Variants in PIK3R2 observed in about 807,000 individuals in gnomAD.
PIK3R2 encodes the protein phosphatidylinositol 3-kinase regulatory subunit beta.
In PIK3R2, 40 loss-of-function variants were observed where a neutral mutation model predicts 78.5. The observed-to-expected ratio is 0.51, with a 90% CI of 0.40 to 0.66. The LOEUF (loss-of-function observed/expected upper bound fraction) is 0.66. PIK3R2 is among the 30% of genes least tolerant of loss of function. The probability of loss-of-function intolerance (pLI) is 0.00; values close to 1 mark genes in which losing one functional copy is unlikely to be tolerated. For missense variants in PIK3R2, 880 were observed against 1,026.6 expected, an observed-to-expected ratio of 0.86 and a Z score of 1.95; for synonymous variants, 473 against 457.7, an observed-to-expected ratio of 1.03 and a Z score of -0.43.
rs746464481 is a variant in PIK3R2 at position 18,161,043 on chromosome 19, T to C, written c.467-11T>C. 5.0e-6 allele frequency: 8 copies of C among 1,611,082 alleles called. No individual in the cohort carries two copies. In the Admixed American group the frequency reaches 1.0e-4, roughly 20 times the overall value. On this transcript the variant is annotated splice_polypyrimidine_tract_variant and intron_variant, in intron 4 of 15. Coordinates refer to ENST00000222254, the MANE Select transcript of PIK3R2 (RefSeq NM_005027.4). The surrounding 1 kb of genome is among the most constrained non-coding windows in gnomAD (Gnocchi z 5.3). Reference sequence around the variant, plus strand: ...CACATGAGTTGGACGTGTGCCCCCCTGCACCCGCAGACTGGTCCCTGAGCG... The same window carrying C: ...CACATGAGTTGGACGTGTGCCCCCCCGCACCCGCAGACTGGTCCCTGAGCG...
At chr19:18,157,558 G>A (rs944065760) in intron 2 of PIK3R2, among the ~76,000 whole-genome samples, 9 of 152,110 alleles carry the variant, frequency 5.9e-5, no homozygotes, top group South Asian at 2.1e-4. Context: ...GTGCACCCAC[G>A]GGGGAGGTTG....
At chr19:18,162,386 C>T in intron 8 of PIK3R2, 22 bp from the exon 9 acceptor site, 1 of 1,611,084 alleles carries the variant, frequency 6.2e-7, no homozygotes, top group South Asian at 1.1e-5. Flanking sequence ...CTCGGCAGTC[C>T]CAATGTTGGA....
intron 3 of PIK3R2, 27 bp from the exon 4 acceptor site, chr19:18,160,892 T>C (rs548017113): frequency 2.3e-5 from 37 of 1,595,572 alleles, no homozygotes; most frequent in Non-Finnish European, 3.1e-5. Flanking sequence ...ATTTGAGAGC[T>C]GACTCGCCTG....
intron 11 of PIK3R2, 186 bp from the exon 12 acceptor site, chr19:18,165,974 G>T: frequency 1.3e-6 from 1 of 757,016 alleles, no homozygotes; most frequent in South Asian, 1.4e-5. Flanking sequence ...GAAGAAGAGG[G>T]TTTGGGGGGT....
At position 18,156,183 on chromosome 19, in the gene PIK3R2, G is replaced by A. The variant is rs774502328; in HGVS notation, c.304G>A (p.Asp102Asn). 2.3e-5 allele frequency: 33 copies of A among 1,460,670 alleles called. No homozygotes were observed. The highest frequency in any genetic ancestry group is 2.7e-5 in the Non-Finnish European group (30 of 1,112,422). The allele number at this position is 1,460,670 out of a possible 1,614,324, so 90.5% of individuals were successfully genotyped here. A position where few individuals can be genotyped will look rare whatever the true frequency, so the allele number is the denominator to read the frequency against. Reference protein sequence around the residue: ...GPRPLPARPRDGAPEPGLTLP... With the variant: ...GPRPLPARPRNGAPEPGLTLP... ...CCGCCCACTGCCCGCCAGGCCCCGT[G>A]ATGGGGCCCCTGAGCCAGGTGAGCA... Residue 102 changes from aspartate (D) to asparagine (N), a missense_variant, in exon 2 of 16, where the codon GAT becomes AAT. By Grantham distance (23) the Asp-to-Asn change is conservative. Coordinates refer to ENST00000222254, the MANE Select transcript of PIK3R2 (RefSeq NM_005027.4). This position sits in a 1 kb window ranked among gnomAD's most constrained non-coding sequence, Gnocchi z 4.2.
chr19:18,163,487 T>TC, intron 11 of PIK3R2, 99 bp downstream of exon 11: 1 of 1,334,348 alleles, frequency 7.5e-7, no homozygotes. Context: ...AGGATGAATA[T>TC]CCAGTTGCAG....
intron 11 of PIK3R2, among the ~76,000 whole-genome samples, chr19:18,163,732 G>A (rs2043777567): frequency 6.6e-6 from 1 of 152,136 alleles, no homozygotes; most frequent in Non-Finnish European, 1.5e-5. Context: ...TGAGGTGGGA[G>A]GATCCCTTGA....
In PIK3R2 at chr19:18,163,391, A is replaced by G. The variant is rs1212709142; in HGVS notation, c.1416+3A>G. 3.1e-6 allele frequency: 5 copies of G among 1,613,922 alleles called. No homozygotes were observed. The highest frequency in any genetic ancestry group is 4.2e-6 in the Non-Finnish European group (5 of 1,179,974). ...AAGAGTACACACGGACCTCCCAGGT[A>G]CTCCAGGCCCCGTACATGAGGGAAA... On this transcript the variant is annotated splice_donor_region_variant and intron_variant, in intron 11 of 15. Coordinates refer to ENST00000222254, the MANE Select transcript of PIK3R2 (RefSeq NM_005027.4).
Position 18,167,231 on chromosome 19 carries a change from G to T in PIK3R2, c.1661G>T (p.Arg554Ile). 6.2e-7 allele frequency: 1 copy of T among 1,613,168 alleles called. No individual in the cohort carries two copies. Reference protein sequence around the residue: ...QQLRAQASDNREIDKRMNSLK... With the variant: ...QQLRAQASDNIEIDKRMNSLK... ...CTGCGGGCCCAGGCCTCGGACAACA[G>T]AGAGATCGACAAGCGCATGAACAGC... The change falls in exon 13 of 16, where the codon AGA becomes ATA. Residue 554 changes from arginine (R) to isoleucine (I), a missense_variant. Coordinates refer to ENST00000222254, the MANE Select transcript of PIK3R2 (RefSeq NM_005027.4). This position sits in a 1 kb window ranked among gnomAD's most constrained non-coding sequence, Gnocchi z 4.5.
In PIK3R2 at chr19:18,166,382, A is replaced by C. The variant is rs1451742571; in HGVS notation, c.1559+80A>C. On this transcript the variant is annotated intron_variant, in intron 12 of 15. Transcript: ENST00000222254. ...GCCAGGGAGGGAAGGAAGCAGAAGG[A>C]GGCCAGCCACTTGGAGGCAAAGAGT... 8 of 1,272,432 alleles carry C rather than the reference A, an allele frequency of 6.3e-6. No individual in the cohort carries two copies. In the East Asian group the frequency reaches 9.6e-5, roughly 15 times the overall value. The allele number at this position is 1,272,432 out of a possible 1,614,324, so 78.8% of individuals were successfully genotyped here.
chr19:18,163,606 T>C (rs2043776014), intron 11 of PIK3R2, among the ~76,000 whole-genome samples: 6 of 152,034 alleles, frequency 3.9e-5, no homozygotes, highest in Admixed American at 3.9e-4. Context: ...GGAGGATCAC[T>C]TGAGCCCAAC....
In PIK3R2 at chr19:18,169,264, G is replaced by C. The variant is rs750619177; in HGVS notation, c.2157G>C (p.Pro719=). 2 of 1,535,724 alleles carry C rather than the reference G, an allele frequency of 1.3e-6. No individual in the cohort carries two copies. Among genetic ancestry groups the C allele is most frequent in the Non-Finnish European group, 1.7e-6 (2 of 1,148,788 alleles). ...TVTLAHPVRA[P]GPGPPPAAR ...CCCTGGCGCACCCAGTGCGCGCCCC[G>C]GGCCCCGGCCCGCCGCCTGCCGCCC... The change falls in exon 16 of 16, where the codon CCG becomes CCC. Residue 719 remains proline (P), a synonymous_variant. Coordinates refer to ENST00000222254, the MANE Select transcript of PIK3R2 (RefSeq NM_005027.4).
rs776017541 is a variant in PIK3R2 at position 18,161,071 on chromosome 19, G to A, written c.484G>A (p.Val162Met). Residue 162 changes from valine to methionine, a missense_variant, in exon 5 of 16, where the codon GTG becomes ATG. Coordinates refer to ENST00000222254, the MANE Select transcript of PIK3R2 (RefSeq NM_005027.4). This position sits in a 1 kb window ranked among gnomAD's most constrained non-coding sequence, Gnocchi z 5.3. ...APRTDWSLSD[V>M]DQWDTAALAD... ...ACCCGCAGACTGGTCCCTGAGCGACGTGGATCAGTGGGACACGGCAGCCCT... is the reference window on the plus strand; with the variant it reads ...ACCCGCAGACTGGTCCCTGAGCGACATGGATCAGTGGGACACGGCAGCCCT... 10 of 1,610,504 alleles carry A rather than the reference G, an allele frequency of 6.2e-6. No homozygotes were observed. Among genetic ancestry groups the A allele is most frequent in the East Asian group, 2.2e-5 (1 of 44,780 alleles).
At position 18,167,320 on chromosome 19, in the gene PIK3R2, C is replaced by G; in HGVS notation, c.1736+14C>G. On this transcript the variant is annotated intron_variant, in intron 13 of 15. Coordinates refer to ENST00000222254, the MANE Select transcript of PIK3R2 (RefSeq NM_005027.4). This position sits in a 1 kb window ranked among gnomAD's most constrained non-coding sequence, Gnocchi z 4.5. ...CCAGTACCTCGTGTAAGTGGCGGCT[C>G]CATACTTCCCTGCGGCTCCCTGGCG... The G allele has an allele frequency of 6.4e-7, 1 of 1,552,916 alleles. No individual in the cohort carries two copies. The highest frequency in any genetic ancestry group is 8.7e-7 in the Non-Finnish European group (1 of 1,146,918).
Position 18,167,425 on chromosome 19 carries a change from C to A in PIK3R2, c.1736+119C>A, listed in dbSNP as rs972827785. The A allele has an allele frequency of 2.4e-6, 2 of 844,356 alleles. No individual in the cohort carries two copies. Among genetic ancestry groups the A allele is most frequent in the Non-Finnish European group, 3.4e-6 (2 of 584,352 alleles). The allele number at this position is 844,356 out of a possible 1,614,324, so 52.3% of individuals were successfully genotyped here. A position where few individuals can be genotyped will look rare whatever the true frequency, so the allele number is the denominator to read the frequency against. ...AAGTGGCCCTTCCTGGGCCCCGAGA[C>A]CCCTTAAACTCGGTTCCTCCCGGGC... On this transcript the variant is annotated intron_variant, in intron 13 of 15. Transcript: ENST00000222254. The surrounding 1 kb of genome is among the most constrained non-coding windows in gnomAD (Gnocchi z 4.5).
In PIK3R2 at chr19:18,155,788, A is replaced by C; in HGVS notation, c.-92A>C. The C allele has an allele frequency of 1.6e-6, 2 of 1,227,670 alleles. No homozygotes were observed. Among genetic ancestry groups the C allele is most frequent in the Non-Finnish European group, 2.2e-6 (2 of 906,542 alleles). The allele number at this position is 1,227,670 out of a possible 1,614,324, so 76.0% of individuals were successfully genotyped here. On this transcript the variant is annotated 5_prime_UTR_variant, in exon 2 of 16. Coordinates refer to ENST00000222254, the MANE Select transcript of PIK3R2 (RefSeq NM_005027.4). ...AGGTCCCAGCACCCCAAGCCAACCC[A>C]GCGGACCCTCCCAGCCCTGCTTCAA...
At chr19:18,154,916 G>GAAA (rs34055192) in intron 1 of PIK3R2, among the ~76,000 whole-genome samples, 3 of 138,010 alleles carry the variant, frequency 2.2e-5, no homozygotes, top group African/African-American at 8.1e-5. Context: ...ACCTCTATTG[G>GAAA]AAAAAAAAAA....
intron 3 of PIK3R2, 138 bp from the exon 4 acceptor site, chr19:18,160,781 G>A (rs1599971225): frequency 9.0e-7 from 1 of 1,113,232 alleles, no homozygotes; most frequent in East Asian, 2.6e-5. Context: ...CCCTCTCCCA[G>A]TTCTCCCTCC....
chr19:18,159,936 C>T lies in PIK3R2; in HGVS notation c.323-535C>T, dbSNP rs369460654. 1.2e-3 allele frequency among the ~76,000 whole-genome samples: 181 copies of T among 152,230 alleles called. 2 individuals carry two copies. In the South Asian group the frequency reaches 0.036, roughly 30 times the overall value. ...TTTCTGATTTTAGTAGAGACAGGTTCGCCATGTTGGTCAGGCTGGTTCGAA... is the reference window on the plus strand; with the variant it reads ...TTTCTGATTTTAGTAGAGACAGGTTTGCCATGTTGGTCAGGCTGGTTCGAA... On this transcript the variant is annotated intron_variant, in intron 2 of 15. Transcript: ENST00000222254.
Sources: allele counts gnomAD v4.1 joint callset (sites outside exome capture counted in the v4.1 genomes callset), GRCh38; gene constraint gnomAD v4.1.1; non-coding constraint Gnocchi (gnomAD v3.1); transcripts MANE v1.5; gene names NCBI Gene and HGNC (gene_info 2026-07-23, HGNC 2026-07-21).